Variants in SLC35F1 observed in about 807,000 individuals in gnomAD.
The protein encoded by SLC35F1 is solute carrier family 35 member F1, also known as chromosome 6 open reading frame 169.
A neutral mutation model predicts 48.7 loss-of-function variants in SLC35F1; 14 were observed. The ratio of observed to expected loss-of-function variants is 0.29; its 90% CI spans 0.19 to 0.45. The LOEUF is 0.45. Ranked by LOEUF, SLC35F1 falls within the 20% of genes least tolerant of loss-of-function variation. SLC35F1 has a pLI of 1.00. For synonymous variants in SLC35F1, 190 were observed against 202.2 expected, an observed-to-expected ratio of 0.94 and a Z score of 0.51; for missense variants, 404 against 500.0, an observed-to-expected ratio of 0.81 and a Z score of 1.83.
At chr6:118,237,083 G>T (rs1775375046) in intron 3 of SLC35F1, among the ~76,000 whole-genome samples, 2 of 151,926 alleles carry the variant, frequency 1.3e-5, no homozygotes, top group Admixed American at 1.3e-4. Context: ...AAATATATTG[G>T]GGGATACTCA....
chr6:118,257,940 T>G (rs147734429), intron 3 of SLC35F1, among the ~76,000 whole-genome samples: 252 of 152,324 alleles, frequency 1.7e-3, no homozygotes, highest in African/African-American at 5.8e-3. Context: ...TTTTCATCCA[T>G]GTTGCAGAGC....
At chr6:118,311,801 AAG>A (rs1434764947) in intron 7 of SLC35F1, among the ~76,000 whole-genome samples, 1 of 152,188 alleles carries the variant, frequency 6.6e-6, no homozygotes, top group Non-Finnish European at 1.5e-5. Flanking sequence ...CAAGAAAAAA[AAG>A]AAAAAAAGAA....
intron 1 of SLC35F1, among the ~76,000 whole-genome samples, chr6:117,937,125 T>A (rs1398351247): frequency 6.6e-6 from 1 of 152,236 alleles, no homozygotes; most frequent in Non-Finnish European, 1.5e-5. Context: ...TTTCACTGAC[T>A]TTAATTTACC....
Position 118,061,832 on chromosome 6 carries a change from G to A in SLC35F1, c.174-92613G>A, listed in dbSNP as rs1382308190. Among the ~76,000 whole-genome samples the A allele has an allele frequency of 3.3e-5, 5 of 152,074 alleles. No individual in the cohort carries two copies. In the South Asian group the frequency reaches 6.2e-4, roughly 19 times the overall value. ...AAGGAGCATGCAACCTAGATCCTTC[G>A]CATGCGCAGTTCACAATAGAGTCTG... On this transcript the variant is annotated intron_variant, in intron 1 of 7. Coordinates refer to ENST00000360388, the MANE Select transcript of SLC35F1 (RefSeq NM_001029858.4).
chr6:118,282,757 C>G (rs1335626769), intron 6 of SLC35F1, among the ~76,000 whole-genome samples: 1 of 152,166 alleles, frequency 6.6e-6, no homozygotes, highest in East Asian at 1.9e-4. Flanking sequence ...CCTCCATGCT[C>G]TCCTTTCCCT....
At chr6:118,016,388 C>T (rs1390251701) in intron 1 of SLC35F1, among the ~76,000 whole-genome samples, 8 of 152,084 alleles carry the variant, frequency 5.3e-5, no homozygotes, top group Non-Finnish European at 7.4e-5. Context: ...AAAAACATCC[C>T]CCATGTAACA....
chr6:118,121,588 A>G (rs908650156), intron 1 of SLC35F1, among the ~76,000 whole-genome samples: 1 of 152,220 alleles, frequency 6.6e-6, no homozygotes, highest in Admixed American at 6.5e-5. Context: ...CCTCTCATGC[A>G]GAATCCCATT....
chr6:118,173,403 C>CA (rs60490371), intron 2 of SLC35F1, among the ~76,000 whole-genome samples: 20,608 of 136,216 alleles, frequency 0.15, 1,647 homozygotes, highest in Non-Finnish European at 0.18. Context: ...AAACAAAAAA[C>CA]AAAAAAAAAA....
At chr6:118,294,081 G>A (rs554844803) in intron 7 of SLC35F1, among the ~76,000 whole-genome samples, 13 of 152,186 alleles carry the variant, frequency 8.5e-5, no homozygotes, top group Non-Finnish European at 1.8e-4. Context: ...GACCAGCAGT[G>A]ATACAGTTCT....
intron 1 of SLC35F1, among the ~76,000 whole-genome samples, chr6:118,089,614 A>G (rs879244810): frequency 1.3e-5 from 2 of 152,206 alleles, no homozygotes; most frequent in Non-Finnish European, 2.9e-5. Context: ...AAAATCAACA[A>G]CACACACAAA....
intron 2 of SLC35F1, among the ~76,000 whole-genome samples, chr6:118,227,769 G>T (rs764207946): frequency 3.9e-5 from 6 of 152,212 alleles, no homozygotes; most frequent in Non-Finnish European, 8.8e-5. Context: ...GAGGAACTGG[G>T]AAGGGGTGGC....
At chr6:117,940,590 C>T (rs748824688) in intron 1 of SLC35F1, among the ~76,000 whole-genome samples, 15 of 152,110 alleles carry the variant, frequency 9.9e-5, no homozygotes, top group Non-Finnish European at 8.8e-5. Flanking sequence ...ATGGAATCAA[C>T]CTGTGTTCCG....
rs570604306 is a variant in SLC35F1, at chr6:118,096,491, C to T, written c.174-57954C>T. 1.8e-4 allele frequency among the ~76,000 whole-genome samples: 27 copies of T among 152,266 alleles called. 1 individual carries two copies. In the South Asian group the frequency reaches 4.1e-3, roughly 23 times the overall value. On this transcript the variant is annotated intron_variant, in intron 1 of 7. Transcript: ENST00000360388. ...ATAGTTCTCTTGGCTGAGTTTCTAG[C>T]GATTGGGTATTCAGTTTTGGCTGAC... is the stretch of plus-strand genomic sequence containing the variant.
At chr6:118,098,905 C>T (rs561854820) in intron 1 of SLC35F1, among the ~76,000 whole-genome samples, 3 of 152,302 alleles carry the variant, frequency 2.0e-5, no homozygotes, top group Admixed American at 1.3e-4. Context: ...TCAGGTGTCT[C>T]TTCCTGGTTC....
intron 2 of SLC35F1, among the ~76,000 whole-genome samples, chr6:118,156,993 G>C (rs907695352): frequency 1.3e-5 from 2 of 152,146 alleles, no homozygotes; most frequent in African/African-American, 4.8e-5. Flanking sequence ...AAAATGCCTA[G>C]AGTTAATAAT....
At chr6:118,094,812 AC>A (rs1318842960) in intron 1 of SLC35F1, among the ~76,000 whole-genome samples, 1 of 152,062 alleles carries the variant, frequency 6.6e-6, no homozygotes, top group Non-Finnish European at 1.5e-5. Context: ...TACTAAAAAT[AC>A]AAAATTTAGC....
At chr6:118,174,137 G>A in intron 2 of SLC35F1, among the ~76,000 whole-genome samples, 1 of 152,206 alleles carries the variant, frequency 6.6e-6, no homozygotes, top group South Asian at 2.1e-4. Context: ...AGTCTCTACT[G>A]TTTTTTTATA....
chr6:118,266,088 A>G (rs1289161943), intron 3 of SLC35F1, among the ~76,000 whole-genome samples: 1 of 152,164 alleles, frequency 6.6e-6, no homozygotes, highest in African/African-American at 2.4e-5. Context: ...CTTTGGGGAA[A>G]GTTGTTATCT....
In SLC35F1 at chr6:118,119,495, C is replaced by CCA. The variant is rs1554228992; in HGVS notation, c.174-34949_174-34948insAC. Among the ~76,000 whole-genome samples, 7 of 9,484 alleles carry CCA rather than the reference C, an allele frequency of 7.4e-4. 1 individual carries two copies. Among genetic ancestry groups the CCA allele is most frequent in the Admixed American group, 1.7e-3 (1 of 580 alleles). The allele number at this position is 9,484 out of a possible 152,430, so 6.2% of individuals were successfully genotyped here. ...TTACATGATGCAGTAATAACCGGCG[C>CCA]CCCCCCTCCACCCCGCTTTTTTTTT... On this transcript the variant is annotated intron_variant, in intron 1 of 7. Coordinates refer to ENST00000360388, the MANE Select transcript of SLC35F1 (RefSeq NM_001029858.4).
Sources: gnomAD v4.1 joint callset for allele counts (sites outside exome capture counted in the v4.1 genomes callset) on GRCh38, gnomAD v4.1.1 for gene constraint, MANE v1.5 for transcripts, NCBI Gene and HGNC (gene_info 2026-07-23, HGNC 2026-07-21) for gene names.